The following BPNT1 variants were observed in gnomAD, a reference collection of about 807,000 sequenced individuals.
BPNT1 encodes the protein 3'(2'),5'-bisphosphate nucleotidase 1.
BPNT1 carries 28 observed loss-of-function variants against 36.9 expected under a neutral mutation model. That is an observed-to-expected ratio of 0.76 (90% CI 0.56 to 1.04). BPNT1 has a LOEUF of 1.04. Ranked by LOEUF, BPNT1 falls within the 50% of genes least tolerant of loss-of-function variation. The pLI, the probability that BPNT1 is intolerant of heterozygous loss-of-function variation, is 0.00. For synonymous variants in BPNT1, 119 were observed against 130.9 expected (o/e 0.91, Z 0.62); for missense variants, 313 against 372.9 (o/e 0.84, Z 1.32).
At position 220,073,941 on chromosome 1, in the gene BPNT1, A is replaced by T. The variant is rs765015718; in HGVS notation, c.225+26T>A. On this transcript the variant is annotated intron_variant, in intron 3 of 8. Transcript: ENST00000322067. ...AATCCATTTGGTAAACAGAGATTTT[A>T]AAAAAATGTCTCTGATGACGCTTAC... 5.0e-6 allele frequency: 8 copies of T among 1,586,754 alleles called. No individual in the cohort carries two copies. The African/African-American group carries it at 5.4e-5, about 11-fold the overall frequency.
At chr1:220,065,998 C>T in intron 6 of BPNT1, 1 of 1,137,640 alleles carries the variant, frequency 8.8e-7, no homozygotes. Flanking sequence ...TGTACAATGA[C>T]CACCTGGGGT....
At chr1:220,076,277 G>A (rs529375613) in intron 2 of BPNT1, among the ~76,000 whole-genome samples, 16 of 152,042 alleles carry the variant, frequency 1.1e-4, no homozygotes, top group African/African-American at 3.9e-4. Context: ...TGAGGTGGGC[G>A]GATGCCGAGG....
rs561963815 is a variant in BPNT1 at position 220,066,206 on chromosome 1, A to G, written c.474+1096T>C. On this transcript the variant is annotated intron_variant, in intron 6 of 8. Coordinates refer to ENST00000322067, the MANE Select transcript of BPNT1 (RefSeq NM_006085.6). ...AGCACTTAGATTTTTTCTTGATGAAAGGTACCGTGCATTACAATGCTTTAT... is the reference window on the plus strand; with the variant it reads ...AGCACTTAGATTTTTTCTTGATGAAGGGTACCGTGCATTACAATGCTTTAT... 1.7e-4 allele frequency: 155 copies of G among 911,924 alleles called. No homozygotes were observed. In the African/African-American group the frequency reaches 2.4e-3, roughly 14 times the overall value. 56.5% of individuals were successfully genotyped at this position (911,924 alleles called of 1,614,324 possible). A position where few individuals can be genotyped will look rare whatever the true frequency, so the allele number is the denominator to read the frequency against.
chr1:220,060,839 T>TA (rs1011686975), intron 7 of BPNT1, among the ~76,000 whole-genome samples: 2 of 152,022 alleles, frequency 1.3e-5, no homozygotes, highest in African/African-American at 4.8e-5. Flanking sequence ...ATTTAAGAAA[T>TA]ACATTGATTT....
intron 6 of BPNT1, among the ~76,000 whole-genome samples, chr1:220,064,108 A>G (rs1244135074): frequency 6.6e-6 from 1 of 152,200 alleles, no homozygotes; most frequent in Non-Finnish European, 1.5e-5. Flanking sequence ...TGAAGTAGGT[A>G]TTCTCATCCT....
At position 220,077,960 on chromosome 1, in the gene BPNT1, T is replaced by C. The variant is rs189624197; in HGVS notation, c.120+1767A>G. On this transcript the variant is annotated intron_variant, in intron 2 of 8. Coordinates refer to ENST00000322067, the MANE Select transcript of BPNT1 (RefSeq NM_006085.6). The stretch of plus-strand genomic sequence containing the variant: ...GGGAGTCTAAGGTGGGTGGATCACT[T>C]GAAGCCAGGAGTTTGAGACCAGCCT... Among the ~76,000 whole-genome samples the C allele has an allele frequency of 4.0e-3, 601 of 152,114 alleles. 7 individuals carry two copies. The highest frequency in any genetic ancestry group is 0.013 in the African/African-American group (554 of 41,514).
chr1:220,088,562 G>A (rs183392642), intron 1 of BPNT1, among the ~76,000 whole-genome samples: 2 of 151,692 alleles, frequency 1.3e-5, no homozygotes, highest in East Asian at 3.9e-4. Flanking sequence ...GGCCAAGGCT[G>A]GTGTATTGCT....
intron 1 of BPNT1, among the ~76,000 whole-genome samples, chr1:220,088,438 G>C (rs975670081): frequency 6.9e-6 from 1 of 145,562 alleles, no homozygotes; most frequent in African/African-American, 2.6e-5. Context: ...AGCCGAGATC[G>C]CGCCACTGCA....
intron 6 of BPNT1, 165 bp downstream of exon 6, chr1:220,067,136 AG>A (rs1426432580): frequency 4.8e-6 from 1 of 209,710 alleles, no homozygotes; most frequent in Admixed American, 5.9e-5. Context: ...CTAAAAAAAA[AG>A]TTAAAAATAA....
At chr1:220,083,016 A>G (rs1278870293) in intron 1 of BPNT1, among the ~76,000 whole-genome samples, 1 of 151,988 alleles carries the variant, frequency 6.6e-6, no homozygotes, top group Non-Finnish European at 1.5e-5. Context: ...AGGTGGGCAG[A>G]TCACTAGGTC....
At position 220,059,108 on chromosome 1, in the gene BPNT1, T is replaced by C. The variant is rs936769443; in HGVS notation, c.779-116A>G. 4.1e-6 allele frequency: 4 copies of C among 984,978 alleles called. No individual in the cohort carries two copies. The Admixed American group carries it at 9.0e-5, about 22-fold the overall frequency. The allele number at this position is 984,978 out of a possible 1,614,324, so 61.0% of individuals were successfully genotyped here. On this transcript the variant is annotated intron_variant, in intron 8 of 8. Coordinates refer to ENST00000322067, the MANE Select transcript of BPNT1 (RefSeq NM_006085.6). Reference sequence around the variant, plus strand: ...CCAATAGTAGCCAATAAATTCTGGATGAAATAATGAGTGTCCATAAAGGTT... The same window carrying C: ...CCAATAGTAGCCAATAAATTCTGGACGAAATAATGAGTGTCCATAAAGGTT...
In BPNT1 at chr1:220,074,359, A is replaced by G. The variant is rs539913548; in HGVS notation, c.121-288T>C. ...TTGCTTAAATAGGTTAAGAGATAGG[A>G]AATGTATAACTTTTCAAGGCAAAGT... On this transcript the variant is annotated intron_variant, in intron 2 of 8. Coordinates refer to ENST00000322067, the MANE Select transcript of BPNT1 (RefSeq NM_006085.6). Among the ~76,000 whole-genome samples, 11 of 152,336 alleles carry G rather than the reference A, an allele frequency of 7.2e-5. No homozygotes were observed. The South Asian group carries it at 2.1e-3, about 29-fold the overall frequency.
intron 1 of BPNT1, among the ~76,000 whole-genome samples, chr1:220,082,800 T>C (rs1655317546): frequency 6.6e-6 from 1 of 152,054 alleles, no homozygotes; most frequent in African/African-American, 2.4e-5. Context: ...TTGGCCAGGC[T>C]GGTCTTGTAC....
chr1:220,082,123 G>GTA (rs771087138), intron 1 of BPNT1, among the ~76,000 whole-genome samples: 12,662 of 132,856 alleles, frequency 0.095, 688 homozygotes, highest in South Asian at 0.14. Flanking sequence ...GAGAGAGAGT[G>GTA]TATATATATA....
chr1:220,073,833 A>G, intron 3 of BPNT1, 134 bp downstream of exon 3: 1 of 848,196 alleles, frequency 1.2e-6, no homozygotes, highest in Non-Finnish European at 1.9e-6. Context: ...AAGGAATACA[A>G]TAATTACTTT....
chr1:220,083,985 T>C (rs1655466179), intron 1 of BPNT1, among the ~76,000 whole-genome samples: 1 of 152,138 alleles, frequency 6.6e-6, no homozygotes, highest in Non-Finnish European at 1.5e-5. Flanking sequence ...AGGAGTTACA[T>C]GTGGAATAAA....
In BPNT1 at chr1:220,067,359, A is replaced by G. The variant is rs1305910713; in HGVS notation, c.417T>C (p.Ile139=). The change falls in exon 6 of 9, where the codon ATT becomes ATC. Residue 139 remains isoleucine (I), a synonymous_variant. Coordinates refer to ENST00000322067, the MANE Select transcript of BPNT1 (RefSeq NM_006085.6). ...LLDNVTVLIG[I]AYEGKAIAGV... ...CTGCTATGGCTTTTCCTTCATAAGC[A>G]ATTCCAATAAGAACTGTTACATTGT... is the stretch of plus-strand genomic sequence containing the variant. 1.2e-6 allele frequency: 2 copies of G among 1,610,434 alleles called. No individual in the cohort carries two copies. The highest frequency in any genetic ancestry group is 1.7e-6 in the Non-Finnish European group (2 of 1,177,946).
chr1:220,078,528 A>G (rs1664800830), intron 2 of BPNT1, among the ~76,000 whole-genome samples: 2 of 140,460 alleles, frequency 1.4e-5, no homozygotes, highest in Admixed American at 7.5e-5. Context: ...ATATAATTAT[A>G]TTACATTATA....
At chr1:220,077,842 C>T (rs547111820) in intron 2 of BPNT1, among the ~76,000 whole-genome samples, 3 of 151,950 alleles carry the variant, frequency 2.0e-5, no homozygotes, top group Non-Finnish European at 4.4e-5. Context: ...GAAGAAATTA[C>T]AATACACTTT....
Sources: gnomAD v4.1 joint callset for allele counts (sites outside exome capture counted in the v4.1 genomes callset) on GRCh38, gnomAD v4.1.1 for gene constraint, MANE v1.5 for transcripts, NCBI Gene and HGNC (gene_info 2026-07-23, HGNC 2026-07-21) for gene names.